The following B3GLCT variants were observed in gnomAD, a reference collection of about 807,000 sequenced individuals.
B3GLCT encodes the protein beta 3-glucosyltransferase, also known as beta-1,3-glucosyltransferase.
A neutral mutation model predicts 63.4 loss-of-function variants in B3GLCT; 65 were observed. That is an observed-to-expected ratio of 1.03 (90% CI 0.84 to 1.26). The LOEUF is 1.26. Among genes scored for constraint, B3GLCT ranks in the 50% most tolerant of loss-of-function variants. The probability of loss-of-function intolerance (pLI) is 0.00; values close to 1 mark genes in which losing one functional copy is unlikely to be tolerated. For synonymous variants in B3GLCT, 233 were observed against 219.2 expected, an observed-to-expected ratio of 1.06 and a Z score of -0.55; for missense variants, 577 against 604.8, an observed-to-expected ratio of 0.95 and a Z score of 0.48.
chr13:31,279,275 G>A (rs1872942193), intron 10 of B3GLCT, among the ~76,000 whole-genome samples: 1 of 152,018 alleles, frequency 6.6e-6, no homozygotes, highest in Admixed American at 6.6e-5. Context: ...AGAATACATG[G>A]TCTGGGGTGT....
At chr13:31,316,618 C>T (rs944538062) in intron 12 of B3GLCT, among the ~76,000 whole-genome samples, 1 of 151,120 alleles carries the variant, frequency 6.6e-6, no homozygotes, top group African/African-American at 2.4e-5. Context: ...AATATTTACC[C>T]CCTGTATCCC....
At chr13:31,262,208 C>T (rs1012868849) in intron 7 of B3GLCT, among the ~76,000 whole-genome samples, 12 of 152,124 alleles carry the variant, frequency 7.9e-5, no homozygotes, top group African/African-American at 2.9e-4. Context: ...CTTGGAATCT[C>T]AGCTTACAGT....
In B3GLCT at chr13:31,226,827, T is replaced by A. The variant is rs557708142; in HGVS notation, c.161-2358T>A. On this transcript the variant is annotated intron_variant, in intron 3 of 14. Coordinates refer to ENST00000343307, the MANE Select transcript of B3GLCT (RefSeq NM_194318.4). ...AGAAGTTATAAAGAGAATAATATAA[T>A]GAACATTCATGTATTATATGTTCAT... Among the ~76,000 whole-genome samples, 3 of 152,302 alleles carry A rather than the reference T, an allele frequency of 2.0e-5. No individual in the cohort carries two copies. In the East Asian group the frequency reaches 5.8e-4, roughly 29 times the overall value.
intron 9 of B3GLCT, among the ~76,000 whole-genome samples, chr13:31,275,745 C>T (rs576618368): frequency 6.6e-6 from 1 of 152,150 alleles, no homozygotes; most frequent in African/African-American, 2.4e-5. Flanking sequence ...GTCAGTCACA[C>T]ACAAGTCTGT....
intron 6 of B3GLCT, among the ~76,000 whole-genome samples, chr13:31,256,615 C>G (rs1286421339): frequency 3.9e-5 from 6 of 152,140 alleles, no homozygotes; most frequent in African/African-American, 1.2e-4. Context: ...AGTTCATGTC[C>G]TTTGCAGGGC....
At chr13:31,317,013 C>T (rs573650957) in intron 12 of B3GLCT, among the ~76,000 whole-genome samples, 32 of 152,302 alleles carry the variant, frequency 2.1e-4, no homozygotes, top group African/African-American at 7.2e-4. Flanking sequence ...TTGAGGGAAA[C>T]GAGCATGGTT....
intron 10 of B3GLCT, among the ~76,000 whole-genome samples, chr13:31,279,471 G>A (rs977465237): frequency 6.6e-6 from 1 of 152,034 alleles, no homozygotes; most frequent in African/African-American, 2.4e-5. Context: ...ATGTTGGCAG[G>A]TTCTGTGATG....
At chr13:31,272,328 C>A (rs1872605989) in intron 8 of B3GLCT, among the ~76,000 whole-genome samples, 1 of 151,448 alleles carries the variant, frequency 6.6e-6, no homozygotes, top group South Asian at 2.1e-4. Flanking sequence ...CAGTTCGCTG[C>A]CTTAGCCCCC....
At chr13:31,327,075 A>C (rs1473237961) in intron 14 of B3GLCT, among the ~76,000 whole-genome samples, 1 of 152,122 alleles carries the variant, frequency 6.6e-6, no homozygotes, top group African/African-American at 2.4e-5. Context: ...ACATTCCACA[A>C]TCCCCCCAGT....
At chr13:31,291,037 G>A (rs1242918591) in intron 12 of B3GLCT, among the ~76,000 whole-genome samples, 3 of 151,656 alleles carry the variant, frequency 2.0e-5, no homozygotes, top group Admixed American at 6.6e-5. Flanking sequence ...TTTGTATAAG[G>A]TGTAAGAAAG....
chr13:31,219,324 A>C lies in B3GLCT; in HGVS notation c.121-3628A>C, dbSNP rs144299430. On this transcript the variant is annotated intron_variant, in intron 2 of 14. Transcript: ENST00000343307. ...AATCAATAAATGCGATTCATCACCT[A>C]AACACGTGATTATTAAAAAGTAAAG... Among the ~76,000 whole-genome samples the C allele has an allele frequency of 3.5e-3, 537 of 152,310 alleles. 2 individuals carry two copies. Among genetic ancestry groups the C allele is most frequent in the African/African-American group, 0.012 (482 of 41,566 alleles).
intron 1 of B3GLCT, among the ~76,000 whole-genome samples, chr13:31,208,102 C>G (rs996636739): frequency 3.3e-5 from 5 of 152,084 alleles, no homozygotes; most frequent in African/African-American, 1.2e-4. Context: ...ACTTTGTACT[C>G]TGTACACAGT....
At chr13:31,323,312 C>G (rs1042849299) in intron 13 of B3GLCT, among the ~76,000 whole-genome samples, 1 of 152,140 alleles carries the variant, frequency 6.6e-6, no homozygotes, top group African/African-American at 2.4e-5. Flanking sequence ...ATCAAACTTC[C>G]ATTGAGTGCT....
intron 12 of B3GLCT, among the ~76,000 whole-genome samples, chr13:31,310,805 C>T (rs181697797): frequency 6.6e-6 from 1 of 152,222 alleles, no homozygotes; most frequent in African/African-American, 2.4e-5. Context: ...CTGGCATCTC[C>T]AAGTTTTCAG....
chr13:31,318,539 A>G (rs757019414), intron 13 of B3GLCT, among the ~76,000 whole-genome samples: 1 of 152,150 alleles, frequency 6.6e-6, no homozygotes, highest in African/African-American at 2.4e-5. Flanking sequence ...GCTCTTTTGT[A>G]GTGATAACCA....
intron 4 of B3GLCT, among the ~76,000 whole-genome samples, chr13:31,230,911 G>A (rs1218016935): frequency 1.3e-5 from 2 of 152,136 alleles, no homozygotes; most frequent in Non-Finnish European, 2.9e-5. Flanking sequence ...AGGAGACTGA[G>A]GCAGGAGAAT....
chr13:31,253,305 G>C (rs995472512), intron 6 of B3GLCT, among the ~76,000 whole-genome samples: 2 of 151,928 alleles, frequency 1.3e-5, no homozygotes, highest in African/African-American at 4.8e-5. Flanking sequence ...TAAAAGAATA[G>C]AGAAGACCGG....
chr13:31,227,895 C>T (rs867846491), intron 3 of B3GLCT, among the ~76,000 whole-genome samples: 3 of 152,350 alleles, frequency 2.0e-5, no homozygotes, highest in Middle Eastern at 3.4e-3. Flanking sequence ...ATTTACGTGG[C>T]ACCTTCCTCT....
chr13:31,221,072 C>T (rs539069368), intron 2 of B3GLCT, among the ~76,000 whole-genome samples: 9 of 152,150 alleles, frequency 5.9e-5, no homozygotes, highest in Admixed American at 3.9e-4. Context: ...AGTTAGGAGA[C>T]CTGGTTTGTA....
Sources: gnomAD v4.1 joint callset for allele counts (sites outside exome capture counted in the v4.1 genomes callset) on GRCh38, gnomAD v4.1.1 for gene constraint, MANE v1.5 for transcripts, NCBI Gene and HGNC (gene_info 2026-07-23, HGNC 2026-07-21) for gene names.